ZMYND8: variants seen among roughly 807,000 people sequenced by gnomAD.
The protein encoded by ZMYND8 is MYND-type zinc finger-containing chromatin reader ZMYND8.
In ZMYND8, 37 loss-of-function variants were observed where a neutral mutation model predicts 140.8. The ratio of observed to expected loss-of-function variants is 0.26; its 90% CI spans 0.20 to 0.35. The LOEUF is 0.35. ZMYND8 is among the 10% of genes least tolerant of loss of function. The probability of loss-of-function intolerance (pLI) is 1.00; values close to 1 mark genes in which losing one functional copy is unlikely to be tolerated. For synonymous variants in ZMYND8, 592 were observed against 597.1 expected (o/e 0.99, Z 0.12); for missense variants, 1,068 against 1,570.0 (o/e 0.68, Z 5.40).
At chr20:47,267,498 G>T (rs1378095820) in intron 11 of ZMYND8, among the ~76,000 whole-genome samples, 12 of 62,390 alleles carry the variant, frequency 1.9e-4, no homozygotes, top group East Asian at 4.5e-4. Context: ...GGCCGGGGCG[G>T]GGGGGGGGCA....
At chr20:47,262,060 A>T (rs1321508762) in intron 12 of ZMYND8, among the ~76,000 whole-genome samples, 1 of 152,122 alleles carries the variant, frequency 6.6e-6, no homozygotes, top group African/African-American at 2.4e-5. Flanking sequence ...AACAAGAGCG[A>T]AACTCCATCT....
intron 13 of ZMYND8, among the ~76,000 whole-genome samples, chr20:47,247,448 T>C (rs1166100475): frequency 6.6e-6 from 1 of 152,254 alleles, no homozygotes; most frequent in Non-Finnish European, 1.5e-5. Context: ...CACATACTTC[T>C]GTCTCTTTCA....
Position 47,239,108 on chromosome 20 carries a change from A to G in ZMYND8, c.2315T>C (p.Val772Ala), listed in dbSNP as rs2275801. The G allele has an allele frequency of 0.1, 153,959 of 1,513,256 alleles. 19,902 individuals are homozygous for G. The highest frequency in any genetic ancestry group is 0.56 in the African/African-American group (40,539 of 71,882). 93.7% of individuals were successfully genotyped at this position (1,513,256 alleles called of 1,614,324 possible). Residue 772 changes from valine (V) to alanine (A), a missense_variant, in exon 15 of 23, where the codon GTG becomes GCG. Coordinates refer to ENST00000471951, the MANE Select transcript of ZMYND8 (RefSeq NM_001281775.3). ...TGTTTCCGGGGGAGAATGGCTGCCC[A>G]CCGTCGTGGATGGTGGAGTTTTACC... ...VVGKTPPSTT[V>A]GSHSPPETPV... is the part of the protein sequence containing the mutation.
intron 8 of ZMYND8, 126 bp from the exon 9 acceptor site, chr20:47,283,774 T>C: frequency 1.1e-6 from 1 of 877,564 alleles, no homozygotes. Context: ...ACCTTGGAGA[T>C]GAATCCAACC....
chr20:47,211,341 T>TAGGCAA (rs2035229029), intron 22 of ZMYND8, among the ~76,000 whole-genome samples: 1 of 152,180 alleles, frequency 6.6e-6, no homozygotes, highest in African/African-American at 2.4e-5. Flanking sequence ...TATCAATGTA[T>TAGGCAA]AGGCAACTTG....
intron 11 of ZMYND8, among the ~76,000 whole-genome samples, chr20:47,271,268 C>T (rs2075928387): frequency 6.6e-6 from 1 of 152,164 alleles, no homozygotes; most frequent in East Asian, 1.9e-4. Flanking sequence ...GTGTGTAAAA[C>T]TTACCCAAGA....
At chr20:47,327,382 G>A (rs968132779) in intron 2 of ZMYND8, among the ~76,000 whole-genome samples, 2 of 151,848 alleles carry the variant, frequency 1.3e-5, no homozygotes, top group South Asian at 2.1e-4. Context: ...GGCCAGGTGC[G>A]GTGGCTCACA....
At chr20:47,304,130 T>C (rs1199318882) in intron 3 of ZMYND8, among the ~76,000 whole-genome samples, 1 of 152,184 alleles carries the variant, frequency 6.6e-6, no homozygotes, top group Non-Finnish European at 1.5e-5. Flanking sequence ...ACCAGTTTGA[T>C]AACTAGGGAA....
chr20:47,213,078 G>A (rs556498560), intron 21 of ZMYND8, among the ~76,000 whole-genome samples: 5 of 152,290 alleles, frequency 3.3e-5, no homozygotes, highest in South Asian at 2.1e-4. Flanking sequence ...CACTAGAAAC[G>A]TGCTAAGGTT....
intron 13 of ZMYND8, among the ~76,000 whole-genome samples, chr20:47,248,190 T>C (rs537207597): frequency 6.6e-6 from 1 of 152,342 alleles, no homozygotes; most frequent in Admixed American, 6.5e-5. Context: ...CTGATAAAAG[T>C]ATCAACCTCC....
Position 47,294,649 on chromosome 20 carries a change from AG to A in ZMYND8, c.567+16del. 6.2e-7 allele frequency: 1 copy of A among 1,607,888 alleles called. No individual in the cohort carries two copies. The highest frequency in any genetic ancestry group is 8.5e-7 in the Non-Finnish European group (1 of 1,174,328). On this transcript the variant is annotated intron_variant, in intron 5 of 22. Transcript: ENST00000471951. ...TACGTTCATTTACGCGTATACCAAGAGGAACTTTCTTCTTACCCCTGGCTGT... is the reference window on the plus strand; with the variant it reads ...TACGTTCATTTACGCGTATACCAAGAGAACTTTCTTCTTACCCCTGGCTGT...
At chr20:47,334,744 G>T (rs1390951820) in intron 2 of ZMYND8, among the ~76,000 whole-genome samples, 3 of 151,646 alleles carry the variant, frequency 2.0e-5, no homozygotes, top group Non-Finnish European at 2.9e-5. Flanking sequence ...TGAGTAGCTG[G>T]GATTACAGGC....
chr20:47,246,327 CTTTTT>C lies in ZMYND8; in HGVS notation c.1960_1964del (p.Lys654AlafsTer10). 6.2e-7 allele frequency: 1 copy of C among 1,613,848 alleles called. No individual in the cohort carries two copies. Among genetic ancestry groups the C allele is most frequent in the Non-Finnish European group, 8.5e-7 (1 of 1,179,956 alleles). ...TCTCCACTGGGTTTGTAGGCTTGGG[CTTTTT>C]TTTAACAGCAGATGGCTCTTTGTCC... On this transcript the variant is annotated frameshift_variant, in exon 14 of 23. Transcript: ENST00000471951. LOFTEE classifies it high-confidence loss of function.
chr20:47,226,969 AT>A (rs1433178408), intron 18 of ZMYND8, among the ~76,000 whole-genome samples: 9 of 151,984 alleles, frequency 5.9e-5, no homozygotes, highest in Admixed American at 5.9e-4. Context: ...ACCAATCCTC[AT>A]TATTTTATTG....
At chr20:47,249,573 T>C (rs534489377) in intron 12 of ZMYND8, 134 bp from the exon 13 acceptor site, 4 of 1,230,488 alleles carry the variant, frequency 3.3e-6, no homozygotes, top group Middle Eastern at 2.4e-4. Flanking sequence ...TTGTCATTCA[T>C]CCCAACAATA....
chr20:47,296,292 G>A (rs1003656513), intron 4 of ZMYND8, among the ~76,000 whole-genome samples: 5 of 152,006 alleles, frequency 3.3e-5, no homozygotes, highest in African/African-American at 9.7e-5. Flanking sequence ...GCAGTGCCTG[G>A]TTCCCACAAC....
chr20:47,289,595 C>A (rs1236008333), intron 7 of ZMYND8, among the ~76,000 whole-genome samples: 1 of 144,534 alleles, frequency 6.9e-6, no homozygotes, highest in Non-Finnish European at 1.5e-5. Flanking sequence ...GGATGAATGG[C>A]GGCATATTGA....
At chr20:47,226,482 G>T (rs138979131) in intron 18 of ZMYND8, among the ~76,000 whole-genome samples, 5 of 152,158 alleles carry the variant, frequency 3.3e-5, no homozygotes, top group African/African-American at 9.7e-5. Flanking sequence ...ATCTTTCTCC[G>T]CACTGAGCAG....
chr20:47,217,097 T>G (rs928181266), intron 21 of ZMYND8, among the ~76,000 whole-genome samples: 1 of 152,032 alleles, frequency 6.6e-6, no homozygotes, highest in African/African-American at 2.4e-5. Flanking sequence ...GACTGGGTTG[T>G]ATTAGCAACA....
Sources: gnomAD v4.1 joint callset for allele counts (sites outside exome capture counted in the v4.1 genomes callset) on GRCh38, gnomAD v4.1.1 for gene constraint, MANE v1.5 for transcripts, NCBI Gene and HGNC (gene_info 2026-07-23, HGNC 2026-07-21) for gene names.